ZNF546: variants seen among roughly 807,000 people sequenced by gnomAD.
ZNF546 encodes the protein CTC-471F3.6.
ZNF546 carries 60 observed loss-of-function variants against 76.2 expected under a neutral mutation model. The ratio of observed to expected loss-of-function variants is 0.79; its 90% CI spans 0.64 to 0.98. The LOEUF is 0.98. ZNF546 is among the 50% of genes least tolerant of loss of function. The probability of loss-of-function intolerance (pLI) is 0.00; values close to 1 mark genes in which losing one functional copy is unlikely to be tolerated. For synonymous variants in ZNF546, 277 were observed against 328.1 expected (o/e 0.84, Z 1.68); for missense variants, 936 against 1,035.6 (o/e 0.90, Z 1.32).
rs1406681489 is a variant in ZNF546 at position 39,997,121 on chromosome 19, C to T, written c.-171C>T. The T allele has an allele frequency of 1.3e-5, 2 of 152,318 alleles. No homozygotes were observed. Among genetic ancestry groups the T allele is most frequent in the East Asian group, 3.8e-4 (2 of 5,204 alleles). The allele number at this position is 152,318 out of a possible 1,614,324, so 9.4% of individuals were successfully genotyped here. ...TTCTTAACGGTTCAGTCACCTTAAC[C>T]GTTATTATTCACTTGCGGGCGAGAA... On this transcript the variant is annotated 5_prime_UTR_variant, in exon 1 of 7. Coordinates refer to ENST00000347077, the MANE Select transcript of ZNF546 (RefSeq NM_178544.5).
chr19:40,015,121 CT>C lies in ZNF546; in HGVS notation c.1854del (p.Arg619AspfsTer151). The C allele has an allele frequency of 6.2e-7, 1 of 1,613,594 alleles. No individual in the cohort carries two copies. The highest frequency in any genetic ancestry group is 1.3e-5 in the African/African-American group (1 of 74,844). On this transcript the variant is annotated frameshift_variant, in exon 7 of 7. Coordinates refer to ENST00000347077, the MANE Select transcript of ZNF546 (RefSeq NM_178544.5). LOFTEE classifies it high-confidence loss of function. Reference sequence around the variant, plus strand: ...ACATATGTAATGAATGTGGGAAAGCCTTTCGATTTCAAACAGAACTTACTCA... The same window carrying C: ...ACATATGTAATGAATGTGGGAAAGCCTTCGATTTCAAACAGAACTTACTCA... ...PYICNECGKAFRFQTELTQHH... is the reference protein window; with the variant it reads ...PYICNECGKAXRFQTELTQHH...
intron 4 of ZNF546, among the ~76,000 whole-genome samples, chr19:40,006,428 A>G (rs1166072432): frequency 6.6e-6 from 1 of 152,170 alleles, no homozygotes; most frequent in African/African-American, 2.4e-5. Flanking sequence ...GTCAGATCCC[A>G]TGCATTGAGA....
chr19:40,010,523 T>G (rs981700472), intron 6 of ZNF546, among the ~76,000 whole-genome samples: 3 of 152,240 alleles, frequency 2.0e-5, no homozygotes, highest in African/African-American at 7.2e-5. Flanking sequence ...TCTTTTAAAT[T>G]TTAGCTTTGC....
rs1294111164 is a variant in ZNF546, at chr19:40,011,186, T to G, written c.395-2479T>G. On this transcript the variant is annotated intron_variant, in intron 6 of 6. Transcript: ENST00000347077. ...TGTCCTTTCAGTCATATTTAAGAAATCTTTGCCCAATATAAAAAGTACAAA... is the reference window on the plus strand; with the variant it reads ...TGTCCTTTCAGTCATATTTAAGAAAGCTTTGCCCAATATAAAAAGTACAAA... 6.6e-5 allele frequency: 10 copies of G among 152,246 alleles called. No individual in the cohort carries two copies. The South Asian group carries it at 8.3e-4, about 13-fold the overall frequency. 9.4% of individuals were successfully genotyped at this position (152,246 alleles called of 1,614,324 possible).
rs1427552850 is a variant in ZNF546 at position 40,020,895 on chromosome 19, T to C, written c.*5114T>C. The stretch of plus-strand genomic sequence containing the variant: ...AATAAATTGCTGGCCCAGTTTAGTT[T>C]TTATATACTCACTACTATACTAATG... On this transcript the variant is annotated 3_prime_UTR_variant, in exon 7 of 7. Transcript: ENST00000347077. 2.0e-5 allele frequency: 3 copies of C among 152,202 alleles called. No homozygotes were observed. The highest frequency in any genetic ancestry group is 7.2e-5 in the African/African-American group (3 of 41,444). 9.4% of individuals were successfully genotyped at this position (152,202 alleles called of 1,614,324 possible).
chr19:40,008,587 G>A (rs780837859), intron 6 of ZNF546, 22 bp downstream of exon 6: 25 of 1,589,584 alleles, frequency 1.6e-5, no homozygotes, highest in Admixed American at 1.0e-4. Flanking sequence ...CAAATTAGGC[G>A]GGAGGGTGCT....
At chr19:40,001,007 G>T (rs1347302371) in intron 3 of ZNF546, among the ~76,000 whole-genome samples, 3 of 152,048 alleles carry the variant, frequency 2.0e-5, no homozygotes, top group Admixed American at 1.3e-4. Flanking sequence ...GGGAGGCAAT[G>T]ACAGATCATC....
At position 40,019,949 on chromosome 19, in the gene ZNF546, C is replaced by A. The variant is rs1971833160; in HGVS notation, c.*4168C>A. ...ATATGATAATTTCCTCAATGCTTAA[C>A]ACTGAGCACAATTTTTCACATATTT... On this transcript the variant is annotated 3_prime_UTR_variant, in exon 7 of 7. Transcript: ENST00000347077. 1 of 152,116 alleles carries A rather than the reference C, an allele frequency of 6.6e-6. No individual in the cohort carries two copies. Among genetic ancestry groups the A allele is most frequent in the African/African-American group, 2.4e-5 (1 of 41,438 alleles). The allele number at this position is 152,116 out of a possible 1,614,324, so 9.4% of individuals were successfully genotyped here.
chr19:40,017,181 A>G lies in ZNF546; in HGVS notation c.*1400A>G, dbSNP rs1266593152. ...ACTTCCATTTATAAAGTCAGAACCT[A>G]TCTCTGAAAATTAATGTGAGAAAGA... On this transcript the variant is annotated 3_prime_UTR_variant, in exon 7 of 7. Coordinates refer to ENST00000347077, the MANE Select transcript of ZNF546 (RefSeq NM_178544.5). The G allele has an allele frequency of 6.6e-6, 1 of 152,208 alleles. No homozygotes were observed. The highest frequency in any genetic ancestry group is 1.5e-5 in the Non-Finnish European group (1 of 68,038). 9.4% of individuals were successfully genotyped at this position (152,208 alleles called of 1,614,324 possible).
intron 3 of ZNF546, among the ~76,000 whole-genome samples, chr19:40,001,029 T>C (rs1337121806): frequency 6.6e-6 from 1 of 151,948 alleles, no homozygotes; most frequent in East Asian, 1.9e-4. Context: ...GGCATTAGAT[T>C]CTCATAAGGA....
intron 3 of ZNF546, among the ~76,000 whole-genome samples, chr19:39,999,272 T>A (rs977693548): frequency 1.3e-5 from 2 of 152,262 alleles, no homozygotes; most frequent in African/African-American, 4.8e-5. Context: ...AAGAGAAGAA[T>A]CTTAACAGTG....
At position 40,014,058 on chromosome 19, in the gene ZNF546, A is replaced by ATC. The variant is rs1971710679; in HGVS notation, c.789_790dup (p.His264LeufsTer36). 6.2e-7 allele frequency: 1 copy of ATC among 1,612,788 alleles called. No homozygotes were observed. Among genetic ancestry groups the ATC allele is most frequent in the African/African-American group, 1.3e-5 (1 of 75,024 alleles). On this transcript the variant is annotated frameshift_variant, in exon 7 of 7. Transcript: ENST00000347077. LOFTEE classifies it high-confidence loss of function. ...TGTCGAGTGGGAGACCTTAGAGTAC[A>ATC]TCACACAATCCATGCTGGGGAGAGA...
chr19:40,007,192 A>C, intron 4 of ZNF546, 82 bp from the exon 5 acceptor site: 2 of 1,126,254 alleles, frequency 1.8e-6, no homozygotes, highest in Non-Finnish European at 2.4e-6. Flanking sequence ...TTTGCTTACT[A>C]TGTTGCTTCT....
At position 40,016,061 on chromosome 19, in the gene ZNF546, G is replaced by A. The variant is rs1971762812; in HGVS notation, c.*280G>A. The A allele has an allele frequency of 2.4e-6, 1 of 409,114 alleles. No homozygotes were observed. Among genetic ancestry groups the A allele is most frequent in the East Asian group, 5.1e-5 (1 of 19,464 alleles). 25.3% of individuals were successfully genotyped at this position (409,114 alleles called of 1,614,324 possible). On this transcript the variant is annotated 3_prime_UTR_variant, in exon 7 of 7. Transcript: ENST00000347077. ...CTTCTCTAAAATGCAATAATAATGG[G>A]CCAGGTGAAGTGGCTCACACCTGTA...
intron 3 of ZNF546, chr19:39,999,947 C>T (rs1457576685): frequency 6.6e-6 from 1 of 152,172 alleles, no homozygotes; most frequent in Non-Finnish European, 1.5e-5. Context: ...AGCACCTGCA[C>T]TTTTCTTCCT....
At chr19:39,998,648 A>G in intron 3 of ZNF546, 1 of 478,738 alleles carries the variant, frequency 2.1e-6, no homozygotes, top group Non-Finnish European at 3.7e-6. Flanking sequence ...ATCTGTGTGA[A>G]CATGAGCAGG....
In ZNF546 at chr19:40,015,185, T is replaced by G. The variant is rs781232700; in HGVS notation, c.1915T>G (p.Cys639Gly). The G allele has an allele frequency of 3.7e-6, 6 of 1,614,058 alleles. No homozygotes were observed. Among genetic ancestry groups the G allele is most frequent in the Non-Finnish European group, 5.1e-6 (6 of 1,180,018 alleles). The change falls in exon 7 of 7, where the codon TGT becomes GGT. Residue 639 changes from cysteine (C) to glycine (G), a missense_variant. Cys to Gly is a radical substitution (Grantham distance 159). Coordinates refer to ENST00000347077, the MANE Select transcript of ZNF546 (RefSeq NM_178544.5). ...TCATACTGGTGAAAAACCCTATAAA[T>G]GTACAGAATGTGGGAAGGCCTTTAT... The part of the protein sequence containing the change: ...RIHTGEKPYK[C>G]TECGKAFIRS...
Position 40,015,728 on chromosome 19 carries a change from C to A in ZNF546, c.2458C>A (p.Leu820Ile). 2 of 1,613,648 alleles carry A rather than the reference C, an allele frequency of 1.2e-6. No individual in the cohort carries two copies. Among genetic ancestry groups the A allele is most frequent in the Non-Finnish European group, 1.7e-6 (2 of 1,179,634 alleles). The change falls in exon 7 of 7, where the codon CTT becomes ATT. Residue 820 changes from leucine to isoleucine, a missense_variant. Transcript: ENST00000347077. Reference protein sequence around the residue: ...CGKAFIRSDQLTLHQRNHISE... With the variant: ...CGKAFIRSDQITLHQRNHISE... The stretch of plus-strand genomic sequence containing the variant: ...AAAAGCCTTTATTCGTAGTGATCAA[C>A]TTACTTTACATCAGAGAAATCATAT...
rs1020160838 is a variant in ZNF546 at position 40,017,209 on chromosome 19, T to A, written c.*1428T>A. On this transcript the variant is annotated 3_prime_UTR_variant, in exon 7 of 7. Transcript: ENST00000347077. ...TCTGAAAATTAATGTGAGAAAGAAA[T>A]CTCTAGATTTGATGGGTGTGAAGAT... The A allele has an allele frequency of 2.6e-5, 4 of 152,184 alleles. No homozygotes were observed. Among genetic ancestry groups the A allele is most frequent in the African/African-American group, 9.7e-5 (4 of 41,444 alleles). 9.4% of individuals were successfully genotyped at this position (152,184 alleles called of 1,614,324 possible).
Sources: allele counts gnomAD v4.1 joint callset (sites outside exome capture counted in the v4.1 genomes callset), GRCh38; gene constraint gnomAD v4.1.1; transcripts MANE v1.5; gene names NCBI Gene and HGNC (gene_info 2026-07-23, HGNC 2026-07-21).